The following CLSTN2 variants were observed in gnomAD, a reference collection of about 807,000 sequenced individuals.
CLSTN2 encodes the protein calsyntenin-2.
Under a neutral mutation model 101.2 loss-of-function variants are expected in CLSTN2, and 48 were observed. That is an observed-to-expected ratio of 0.47 (90% CI 0.38 to 0.60). CLSTN2 has a LOEUF of 0.60. CLSTN2 is among the 20% of genes least tolerant of loss of function. CLSTN2 has a pLI of 0.00. For missense variants in CLSTN2, 1,160 were observed against 1,238.2 expected, an observed-to-expected ratio of 0.94 and a Z score of 0.95; for synonymous variants, 481 against 463.6, an observed-to-expected ratio of 1.04 and a Z score of -0.48.
chr3:139,998,469 A>G (rs1342297346), intron 1 of CLSTN2, among the ~76,000 whole-genome samples: 5 of 149,200 alleles, frequency 3.4e-5, no homozygotes, highest in Admixed American at 2.7e-4. Flanking sequence ...CAGCCTCCCG[A>G]GTAGCTGGGA....
chr3:140,491,932 T>C (rs1461281540), intron 8 of CLSTN2, among the ~76,000 whole-genome samples: 1 of 152,184 alleles, frequency 6.6e-6, no homozygotes, highest in Non-Finnish European at 1.5e-5. Context: ...GGGAGACTCC[T>C]ACCTGGCAGG....
At chr3:140,066,026 C>T (rs575979774) in intron 1 of CLSTN2, among the ~76,000 whole-genome samples, 4 of 152,310 alleles carry the variant, frequency 2.6e-5, no homozygotes, top group South Asian at 2.1e-4. Flanking sequence ...ATTATTATCC[C>T]GTTCAACAGA....
intron 1 of CLSTN2, among the ~76,000 whole-genome samples, chr3:140,152,563 A>T (rs931586814): frequency 3.9e-5 from 6 of 152,206 alleles, no homozygotes; most frequent in Non-Finnish European, 8.8e-5. Flanking sequence ...CACCAAACCC[A>T]ATAGTTAGTA....
intron 1 of CLSTN2, among the ~76,000 whole-genome samples, chr3:140,136,987 T>G (rs2009625067): frequency 6.6e-6 from 1 of 152,208 alleles, no homozygotes; most frequent in African/African-American, 2.4e-5. Context: ...TATGGTTATT[T>G]TATCACAATT....
At chr3:140,504,070 C>A (rs1934636202) in intron 8 of CLSTN2, among the ~76,000 whole-genome samples, 1 of 152,302 alleles carries the variant, frequency 6.6e-6, no homozygotes. Context: ...TCAGTCTGAG[C>A]ACCTCATCCA....
intron 1 of CLSTN2, among the ~76,000 whole-genome samples, chr3:139,975,296 C>A (rs1935797409): frequency 6.6e-6 from 1 of 152,078 alleles, no homozygotes; most frequent in African/African-American, 2.4e-5. Flanking sequence ...CTAGGAAGAA[C>A]TGAATGAGTT....
intron 2 of CLSTN2, among the ~76,000 whole-genome samples, chr3:140,318,602 G>A (rs1009731240): frequency 2.6e-5 from 4 of 152,182 alleles, no homozygotes; most frequent in African/African-American, 9.7e-5. Context: ...GCTAAAAGGT[G>A]ATGATTTTCT....
chr3:140,469,169 CT>C (rs1159427576), intron 8 of CLSTN2, among the ~76,000 whole-genome samples: 1 of 152,166 alleles, frequency 6.6e-6, no homozygotes, highest in African/African-American at 2.4e-5. Context: ...ACTCAAGGTC[CT>C]AGCTCCAAAT....
intron 4 of CLSTN2, among the ~76,000 whole-genome samples, chr3:140,412,400 G>A (rs2088375512): frequency 6.6e-6 from 1 of 152,198 alleles, no homozygotes; most frequent in South Asian, 2.1e-4. Flanking sequence ...AGTCACTGTG[G>A]CATATCTGAA....
intron 2 of CLSTN2, among the ~76,000 whole-genome samples, chr3:140,183,588 C>T (rs1412730512): frequency 6.6e-6 from 1 of 152,128 alleles, no homozygotes; most frequent in Non-Finnish European, 1.5e-5. Flanking sequence ...ACTAACTGTG[C>T]AAATTAGAAA....
At position 140,203,689 on chromosome 3, in the gene CLSTN2, G is replaced by GAGCCTGAC. The variant is rs542295240; in HGVS notation, c.232+27620_232+27627dup. Among the ~76,000 whole-genome samples the GAGCCTGAC allele has an allele frequency of 3.1e-3, 471 of 151,876 alleles. 1 individual carries two copies. The highest frequency in any genetic ancestry group is 0.014 in the Middle Eastern group (4 of 294). On this transcript the variant is annotated intron_variant, in intron 2 of 16. Coordinates refer to ENST00000458420, the MANE Select transcript of CLSTN2 (RefSeq NM_022131.3). ...CCTGGTGCCTGATAGATTTGTTAGG[G>GAGCCTGAC]AGCCTGACAGCTTTAATGGACTTAG...
At chr3:140,486,322 G>A (rs1559884070) in intron 8 of CLSTN2, among the ~76,000 whole-genome samples, 1 of 152,138 alleles carries the variant, frequency 6.6e-6, no homozygotes, top group Admixed American at 6.5e-5. Flanking sequence ...ATAAAAGACT[G>A]TCCTTCCTTC....
At chr3:139,986,956 C>G (rs1390142735) in intron 1 of CLSTN2, among the ~76,000 whole-genome samples, 1 of 152,084 alleles carries the variant, frequency 6.6e-6, no homozygotes, top group Non-Finnish European at 1.5e-5. Flanking sequence ...CTTAATCATC[C>G]TCAGTTACTG....
chr3:140,404,106 C>A (rs920777641), intron 3 of CLSTN2, among the ~76,000 whole-genome samples: 1 of 152,228 alleles, frequency 6.6e-6, no homozygotes, highest in Non-Finnish European at 1.5e-5. Context: ...CTAAGCTGGC[C>A]CACCCCCGCA....
intron 2 of CLSTN2, among the ~76,000 whole-genome samples, chr3:140,389,240 C>G (rs1366956909): frequency 6.6e-6 from 1 of 152,140 alleles, no homozygotes; most frequent in African/African-American, 2.4e-5. Context: ...ACCTATCACC[C>G]AGGTATTAAG....
chr3:140,159,523 T>C (rs953476793), intron 1 of CLSTN2, among the ~76,000 whole-genome samples: 4 of 152,062 alleles, frequency 2.6e-5, no homozygotes, highest in Admixed American at 6.6e-5. Context: ...AAACAGAGGC[T>C]GGTAAGGCTG....
chr3:140,125,327 A>G (rs1029835872), intron 1 of CLSTN2, among the ~76,000 whole-genome samples: 1 of 152,112 alleles, frequency 6.6e-6, no homozygotes, highest in Non-Finnish European at 1.5e-5. Flanking sequence ...TTCAGGACAG[A>G]GAGGGCAGTT....
chr3:140,204,354 C>G (rs185783837), intron 2 of CLSTN2, among the ~76,000 whole-genome samples: 1 of 152,130 alleles, frequency 6.6e-6, no homozygotes. Flanking sequence ...CAAACTTGCA[C>G]GAGTTACTCA....
At chr3:140,091,681 G>T (rs991713290) in intron 1 of CLSTN2, among the ~76,000 whole-genome samples, 6 of 152,074 alleles carry the variant, frequency 3.9e-5, no homozygotes, top group Non-Finnish European at 8.8e-5. Flanking sequence ...CTCCACTCTG[G>T]GCCTTCTGTG....
Sources: gnomAD v4.1 joint callset for allele counts (sites outside exome capture counted in the v4.1 genomes callset) on GRCh38, gnomAD v4.1.1 for gene constraint, MANE v1.5 for transcripts, NCBI Gene and HGNC (gene_info 2026-07-23, HGNC 2026-07-21) for gene names.